MKLN1: variants seen among roughly 807,000 people sequenced by gnomAD.
MKLN1 encodes muskelin 1.
In MKLN1, 18 loss-of-function variants were observed where a neutral mutation model predicts 99.0. The observed-to-expected ratio is 0.18, with a 90% CI of 0.13 to 0.27. MKLN1 has a LOEUF of 0.27. Ranked by LOEUF, MKLN1 falls within the 10% of genes least tolerant of loss-of-function variation. MKLN1 has a pLI of 1.00. For synonymous variants in MKLN1, 288 were observed against 293.2 expected (o/e 0.98, Z 0.18); for missense variants, 621 against 875.9 (o/e 0.71, Z 3.67).
intron 2 of MKLN1, among the ~76,000 whole-genome samples, chr7:131,188,622 T>C (rs1274551459): frequency 2.0e-5 from 3 of 152,230 alleles, no homozygotes; most frequent in African/African-American, 7.2e-5. Flanking sequence ...TTATTTCAAT[T>C]ACATTCTAGT....
At chr7:131,126,039 TA>T (rs1259467048) in intron 1 of MKLN1, among the ~76,000 whole-genome samples, 4 of 3,800 alleles carry the variant, frequency 1.1e-3, no homozygotes, top group Non-Finnish European at 1.9e-3. Context: ...AATAAATAAA[TA>T]AATAAATAAA....
chr7:131,271,447 T>C (rs1050943081), intron 3 of MKLN1, among the ~76,000 whole-genome samples: 1 of 149,488 alleles, frequency 6.7e-6, no homozygotes, highest in Admixed American at 6.7e-5. Context: ...TGAAACCGTG[T>C]CTCTACTAAA....
At chr7:131,406,568 A>G (rs900620070) in intron 6 of MKLN1, among the ~76,000 whole-genome samples, 2 of 151,978 alleles carry the variant, frequency 1.3e-5, no homozygotes, top group African/African-American at 4.8e-5. Flanking sequence ...CCAAATATTT[A>G]CTGGGTTTTT....
intron 2 of MKLN1, among the ~76,000 whole-genome samples, chr7:131,386,463 A>G (rs1312117856): frequency 2.6e-5 from 4 of 152,208 alleles, no homozygotes; most frequent in South Asian, 4.1e-4. Flanking sequence ...CGTCTCTCCA[A>G]CAAAACATCT....
intron 2 of MKLN1, among the ~76,000 whole-genome samples, chr7:131,385,630 C>T (rs1213952992): frequency 6.6e-6 from 1 of 152,070 alleles, no homozygotes; most frequent in African/African-American, 2.4e-5. Context: ...TGATGTTAAG[C>T]ATCTTTTCAT....
intron 3 of MKLN1, among the ~76,000 whole-genome samples, chr7:131,251,146 A>G (rs1295048251): frequency 6.8e-6 from 1 of 146,776 alleles, no homozygotes; most frequent in East Asian, 1.9e-4. Context: ...ACCATCTTAA[A>G]GTGTATAATT....
At chr7:131,459,008 C>T (rs1183834021) in intron 12 of MKLN1, among the ~76,000 whole-genome samples, 6 of 152,160 alleles carry the variant, frequency 3.9e-5, no homozygotes, top group African/African-American at 9.7e-5. Context: ...CAAAGTTTTA[C>T]GTGGCATGTG....
intron 9 of MKLN1, among the ~76,000 whole-genome samples, chr7:131,435,826 T>A (rs1031624601): frequency 6.6e-6 from 1 of 152,148 alleles, no homozygotes; most frequent in Non-Finnish European, 1.5e-5. Flanking sequence ...TATCAGTCTT[T>A]CAAAGAACCA....
intron 12 of MKLN1, among the ~76,000 whole-genome samples, chr7:131,448,325 C>T (rs560402293): frequency 2.2e-4 from 34 of 152,248 alleles, no homozygotes; most frequent in African/African-American, 7.9e-4. Context: ...TCATTCAAAA[C>T]AATTTTTTAA....
intron 2 of MKLN1, among the ~76,000 whole-genome samples, chr7:131,202,146 CTTTTTTTTTTTTTTTTT>C (rs58800874): frequency 1.7e-5 from 1 of 60,276 alleles, no homozygotes; most frequent in Non-Finnish European, 3.2e-5. Flanking sequence ...GCACTATTGA[CTTTTTTTTTTTTTTTTT>C]TTTTTTTTTT....
chr7:131,448,471 TGTAGA>T (rs1371580565), intron 12 of MKLN1, among the ~76,000 whole-genome samples: 1 of 152,190 alleles, frequency 6.6e-6, no homozygotes, highest in African/African-American at 2.4e-5. Context: ...ATATGCTCAT[TGTAGA>T]GAATTTGAAA....
chr7:131,128,180 A>G (rs1196228046), intron 1 of MKLN1, among the ~76,000 whole-genome samples: 1 of 151,114 alleles, frequency 6.6e-6, no homozygotes, highest in Non-Finnish European at 1.5e-5. Context: ...CATAAAGAGA[A>G]GGGACCGAAG....
intron 2 of MKLN1, among the ~76,000 whole-genome samples, chr7:131,197,385 TTATTATTATTATTA>T (rs1796664051): frequency 2.9e-4 from 5 of 17,142 alleles, no homozygotes; most frequent in African/African-American, 7.2e-4. Flanking sequence ...AATTTTATTA[TTATTATTATTATTA>T]TTATTATTAT....
At chr7:131,427,640 G>C (rs1795396085) in intron 8 of MKLN1, among the ~76,000 whole-genome samples, 1 of 152,010 alleles carries the variant, frequency 6.6e-6, no homozygotes. Flanking sequence ...TGCAACCTCT[G>C]CCTCCCAGGT....
chr7:131,353,621 T>G (rs544564625), intron 1 of MKLN1, among the ~76,000 whole-genome samples: 49 of 152,236 alleles, frequency 3.2e-4, no homozygotes, highest in South Asian at 1.9e-3. Context: ...AGTTTTTAAT[T>G]TTGCTGAAGT....
upstream of MKLN1, chr7:131,323,756 T>C (rs1798830993): frequency 6.6e-6 from 1 of 152,144 alleles, no homozygotes; most frequent in Non-Finnish European, 1.5e-5. Context: ...CTGTCTCTAA[T>C]TGTCAGATGG....
chr7:131,282,995 G>T (rs1379257644), intron 3 of MKLN1, among the ~76,000 whole-genome samples: 1 of 152,164 alleles, frequency 6.6e-6, no homozygotes, highest in Non-Finnish European at 1.5e-5. Context: ...AGGCCAGCAG[G>T]TCACACGGGC....
intron 3 of MKLN1, among the ~76,000 whole-genome samples, chr7:131,265,928 T>A (rs55640724): frequency 6.6e-6 from 1 of 151,922 alleles, no homozygotes. Flanking sequence ...AATCCCAACA[T>A]TTTGGGAGGC....
chr7:131,153,218 G>C (rs1435819601), intron 2 of MKLN1, among the ~76,000 whole-genome samples: 1 of 151,808 alleles, frequency 6.6e-6, no homozygotes, highest in African/African-American at 2.4e-5. Context: ...AATGGTGTTT[G>C]CTTTGTCTTA....
Sources: gnomAD v4.1 joint callset for allele counts (sites outside exome capture counted in the v4.1 genomes callset) on GRCh38, gnomAD v4.1.1 for gene constraint, MANE v1.5 for transcripts, NCBI Gene and HGNC (gene_info 2026-07-23, HGNC 2026-07-21) for gene names.